COQ6: variants seen among roughly 807,000 people sequenced by gnomAD.
COQ6 encodes ubiquinone biosynthesis monooxygenase COQ6, mitochondrial.
Under a neutral mutation model 55.5 loss-of-function variants are expected in COQ6, and 45 were observed. The observed-to-expected ratio is 0.81, with a 90% CI of 0.64 to 1.04. The LOEUF (loss-of-function observed/expected upper bound fraction) is 1.04. COQ6 is among the 50% of genes least tolerant of loss of function. The probability of loss-of-function intolerance (pLI) is 0.00; values close to 1 mark genes in which losing one functional copy is unlikely to be tolerated. For synonymous variants in COQ6, 206 were observed against 230.5 expected, an observed-to-expected ratio of 0.89 and a Z score of 0.96; for missense variants, 550 against 601.3, an observed-to-expected ratio of 0.91 and a Z score of 0.89.
At chr14:73,960,377 T>C (rs2056658678) in intron 8 of COQ6, 1 of 987,206 alleles carries the variant, frequency 1.0e-6, no homozygotes, top group Non-Finnish European at 1.2e-6. Context: ...GACACAGCCT[T>C]TGGATAATAT....
upstream of COQ6, chr14:73,950,014 TC>T: frequency 6.2e-7 from 1 of 1,612,840 alleles, no homozygotes. Context: ...CCCTCAGGCC[TC>T]CCCACGGTCA....
chr14:73,955,320 C>A, intron 2 of COQ6, 131 bp from the exon 3 acceptor site: 1 of 769,026 alleles, frequency 1.3e-6, no homozygotes, highest in Non-Finnish European at 2.4e-6. Flanking sequence ...GTACTAACAT[C>A]AAACAAGATA....
rs373413097 is a variant in COQ6, at chr14:73,950,426, A to G, written c.94A>G (p.Thr32Ala). 26 of 1,605,996 alleles carry G rather than the reference A, an allele frequency of 1.6e-5. No individual in the cohort carries two copies. The highest frequency in any genetic ancestry group is 5.1e-5 in the Admixed American group (3 of 59,160). The change falls in exon 1 of 12, where the codon ACA becomes GCA. Residue 32 changes from threonine to alanine, a missense_variant. Thr to Ala is a moderately conservative substitution (Grantham distance 58, BLOSUM62 0). Transcript: ENST00000334571. ...VSWRRWSGAS[T>A]DTVYDVVVSG... ...CTGGCGCAGGTGGTCCGGCGCCTCAACAGACACCGTGTATGACGTGGTGGT... is the reference window on the plus strand; with the variant it reads ...CTGGCGCAGGTGGTCCGGCGCCTCAGCAGACACCGTGTATGACGTGGTGGT...
At chr14:73,954,904 G>A (rs1302667600) in intron 2 of COQ6, among the ~76,000 whole-genome samples, 4 of 145,568 alleles carry the variant, frequency 2.7e-5, no homozygotes, top group Non-Finnish European at 6.0e-5. Context: ...CCTACTTTAT[G>A]TGATTTGACC....
At chr14:73,960,683 G>A in intron 8 of COQ6, 1 of 711,256 alleles carries the variant, frequency 1.4e-6, no homozygotes, top group Non-Finnish European at 1.8e-6. Context: ...AAGTAAGGAA[G>A]ACCGTAAATG....
At chr14:73,951,235 A>G (rs575208772) in intron 1 of COQ6, among the ~76,000 whole-genome samples, 6 of 152,094 alleles carry the variant, frequency 3.9e-5, no homozygotes, top group African/African-American at 1.2e-4. Flanking sequence ...GGCTCAAGCA[A>G]TCCACCTGCC....
rs1424533326 is a variant in COQ6, at chr14:73,950,399, T to G, written c.67T>G (p.Ser23Ala). ...RAAPHSGPLV[S>A]WRRWSGASTD... ...AGCTCCCCACAGCGGCCCGCTGGTG[T>G]CCTGGCGCAGGTGGTCCGGCGCCTC... The change falls in exon 1 of 12, where the codon TCC becomes GCC. Residue 23 changes from serine (S) to alanine (A), a missense_variant. By Grantham distance (99) the Ser-to-Ala change is moderately conservative. Coordinates refer to ENST00000334571, the MANE Select transcript of COQ6 (RefSeq NM_182476.3). The G allele has an allele frequency of 2.5e-6, 4 of 1,586,292 alleles. No individual in the cohort carries two copies. The highest frequency in any genetic ancestry group is 3.4e-6 in the Non-Finnish European group (4 of 1,166,546).
At chr14:73,957,098 ATTATT>A (rs947472938) in intron 4 of COQ6, among the ~76,000 whole-genome samples, 1 of 127,434 alleles carries the variant, frequency 7.8e-6, no homozygotes, top group African/African-American at 2.6e-5. Flanking sequence ...TATTATTATT[ATTATT>A]TTTTTTTTTT....
chr14:73,959,303 T>C, intron 7 of COQ6, 79 bp downstream of exon 7: 1 of 1,614,172 alleles, frequency 6.2e-7, no homozygotes, highest in Non-Finnish European at 8.5e-7. Context: ...TTTTCTGGTT[T>C]CAAGGGAATC....
At chr14:73,950,070 C>T, upstream of COQ6, 1 of 1,606,878 alleles carries the variant, frequency 6.2e-7, no homozygotes. Context: ...GCGATAGTGG[C>T]AGCAGCGGTG....
At chr14:73,959,308 G>A (rs1220207639) in intron 7 of COQ6, 84 bp downstream of exon 7, 1 of 1,614,068 alleles carries the variant, frequency 6.2e-7, no homozygotes, top group Non-Finnish European at 8.5e-7. Flanking sequence ...TGGTTTCAAG[G>A]GAATCTGCCC....
intron 4 of COQ6, chr14:73,956,736 A>G (rs1457480084): frequency 6.6e-6 from 1 of 152,142 alleles, no homozygotes; most frequent in African/African-American, 2.4e-5. Context: ...GGAGTTCTTT[A>G]TATATTTTAA....
At chr14:73,951,978 C>T (rs112563499) in intron 1 of COQ6, among the ~76,000 whole-genome samples, 1,369 of 30,700 alleles carry the variant, frequency 0.045, 31 homozygotes, top group African/African-American at 0.12. Flanking sequence ...AACTCGATAT[C>T]TCAAAAAAAA....
intron 1 of COQ6, among the ~76,000 whole-genome samples, chr14:73,951,672 T>A (rs1281167649): frequency 6.9e-6 from 1 of 144,498 alleles, no homozygotes; most frequent in Non-Finnish European, 1.5e-5. Flanking sequence ...TTTTAGCTCA[T>A]CAGCTATCAT....
In COQ6 at chr14:73,950,411, T is replaced by A; in HGVS notation, c.79T>A (p.Trp27Arg). 1 of 1,596,458 alleles carries A rather than the reference T, an allele frequency of 6.3e-7. No individual in the cohort carries two copies. The highest frequency in any genetic ancestry group is 8.5e-7 in the Non-Finnish European group (1 of 1,171,762). ...HSGPLVSWRR[W>R]SGASTDTVYD... ...CGGCCCGCTGGTGTCCTGGCGCAGG[T>A]GGTCCGGCGCCTCAACAGACACCGT... Residue 27 changes from tryptophan (W) to arginine (R), a missense_variant, in exon 1 of 12, where the codon TGG becomes AGG. By Grantham distance (101) the Trp-to-Arg change is moderately radical. Transcript: ENST00000334571.
At chr14:73,954,067 A>G (rs1408324239) in intron 2 of COQ6, among the ~76,000 whole-genome samples, 1 of 151,358 alleles carries the variant, frequency 6.6e-6, no homozygotes, top group Non-Finnish European at 1.5e-5. Flanking sequence ...CTCAAATTGA[A>G]CTCTTCCATC....
At position 73,963,003 on chromosome 14, in the gene COQ6, C is replaced by G. The variant is rs1439161512; in HGVS notation, c.*4C>G. The G allele has an allele frequency of 6.2e-7, 1 of 1,604,978 alleles. No homozygotes were observed. The highest frequency in any genetic ancestry group is 2.2e-5 in the East Asian group (1 of 44,842). On this transcript the variant is annotated 3_prime_UTR_variant, in exon 12 of 12. Coordinates refer to ENST00000334571, the MANE Select transcript of COQ6 (RefSeq NM_182476.3). Reference sequence around the variant, plus strand: ...TATGGCCTTTGCAAGCAAATGAGTACTCCTCTCCTAAAGAAAGATTACGTT... The same window carrying G: ...TATGGCCTTTGCAAGCAAATGAGTAGTCCTCTCCTAAAGAAAGATTACGTT...
intron 4 of COQ6, among the ~76,000 whole-genome samples, chr14:73,957,585 G>A (rs923890161): frequency 2.0e-5 from 3 of 152,124 alleles, no homozygotes; most frequent in South Asian, 2.1e-4. Flanking sequence ...CGACAGGTGC[G>A]CACCATCACG....
chr14:73,959,578 G>T, intron 8 of COQ6, 56 bp downstream of exon 8: 1 of 1,608,962 alleles, frequency 6.2e-7, no homozygotes. Context: ...ACAGAAAGGT[G>T]TTGTTTTTTT....
Sources: gnomAD v4.1 joint callset for allele counts (sites outside exome capture counted in the v4.1 genomes callset) on GRCh38, gnomAD v4.1.1 for gene constraint, MANE v1.5 for transcripts, NCBI Gene and HGNC (gene_info 2026-07-23, HGNC 2026-07-21) for gene names.